Variants in HIRA observed in about 807,000 individuals in gnomAD.
The protein encoded by HIRA is protein HIRA.
In HIRA, 13 loss-of-function variants were observed where a neutral mutation model predicts 126.6. The ratio of observed to expected loss-of-function variants is 0.10; its 90% confidence interval spans 0.07 to 0.16. The LOEUF is 0.16. Among genes scored for constraint, HIRA ranks in the 10% least tolerant of loss-of-function variants. The pLI, the probability that HIRA is intolerant of heterozygous loss-of-function variation, is 1.00. For synonymous variants in HIRA, 511 were observed against 520.0 expected (o/e 0.98, Z 0.24); for missense variants, 834 against 1,314.4 (o/e 0.63, Z 5.65).
chr22:19,369,424 C>T (rs985668799), intron 15 of HIRA, among the ~76,000 whole-genome samples: 3 of 152,126 alleles, frequency 2.0e-5, no homozygotes, highest in African/African-American at 2.4e-5. Context: ...GACCAAGATA[C>T]GGCTTTACAG....
chr22:19,337,923 C>A (rs974052744), intron 24 of HIRA, among the ~76,000 whole-genome samples: 1 of 152,130 alleles, frequency 6.6e-6, no homozygotes, highest in African/African-American at 2.4e-5. Flanking sequence ...TCCCAAGTAG[C>A]TGGGACTACA....
chr22:19,423,475 A>ACATG (rs1284559948), intron 1 of HIRA, among the ~76,000 whole-genome samples: 1 of 131,940 alleles, frequency 7.6e-6, no homozygotes, highest in Admixed American at 8.1e-5. Flanking sequence ...TGACTCACAC[A>ACATG]CATGCATACA....
At chr22:19,355,342 G>C (rs2088800992) in intron 21 of HIRA, among the ~76,000 whole-genome samples, 2 of 152,138 alleles carry the variant, frequency 1.3e-5, no homozygotes, top group African/African-American at 4.8e-5. Flanking sequence ...ATCATGCCTG[G>C]GTAAGTGGAT....
chr22:19,407,915 C>T (rs2089320944), intron 3 of HIRA, among the ~76,000 whole-genome samples: 1 of 152,176 alleles, frequency 6.6e-6, no homozygotes, highest in Non-Finnish European at 1.5e-5. Flanking sequence ...AAGTTGTAGC[C>T]CCCACATGGC....
chr22:19,364,019 T>A (rs940987441), intron 15 of HIRA, among the ~76,000 whole-genome samples: 4 of 152,170 alleles, frequency 2.6e-5, no homozygotes, highest in African/African-American at 9.6e-5. Flanking sequence ...AAACTTTGGG[T>A]GACGGTGTGC....
At chr22:19,375,928 A>T in intron 14 of HIRA, 136 bp from the exon 15 acceptor site, 4 of 906,076 alleles carry the variant, frequency 4.4e-6, no homozygotes, top group Non-Finnish European at 6.6e-6. Context: ...GTCAAGATAC[A>T]ATCTACTACT....
rs772447856 is a variant in HIRA, at chr22:19,375,582, C to T, written c.1775+49G>A. 4 of 1,597,240 alleles carry T rather than the reference C, an allele frequency of 2.5e-6. No homozygotes were observed. In the South Asian group the frequency reaches 4.5e-5, roughly 18 times the overall value. ...GAACACTGCCACTGTGCTGTTGACC[C>T]ATGCCTGCACCCTGCCTGGTCCTTC... On this transcript the variant is annotated intron_variant, in intron 15 of 24. Transcript: ENST00000263208.
intron 1 of HIRA, among the ~76,000 whole-genome samples, chr22:19,412,695 C>G (rs758948467): frequency 6.6e-6 from 1 of 152,140 alleles, no homozygotes; most frequent in Non-Finnish European, 1.5e-5. Context: ...CCCCTGACTA[C>G]CCAAGAGCAC....
At chr22:19,373,651 C>G (rs975197396) in intron 15 of HIRA, among the ~76,000 whole-genome samples, 1 of 152,198 alleles carries the variant, frequency 6.6e-6, no homozygotes, top group African/African-American at 2.4e-5. Context: ...GAGGGCAGAC[C>G]TGTGGTTACA....
intron 15 of HIRA, among the ~76,000 whole-genome samples, chr22:19,368,413 TCA>T (rs1300887567): frequency 6.6e-6 from 1 of 151,756 alleles, no homozygotes; most frequent in Non-Finnish European, 1.5e-5. Flanking sequence ...TCAGTGCTCC[TCA>T]AAATCCTTTA....
Position 19,353,476 on chromosome 22 carries a change from C to T in HIRA, c.2728G>A (p.Val910Met). The T allele has an allele frequency of 6.2e-7, 1 of 1,612,586 alleles. No individual in the cohort carries two copies. The highest frequency in any genetic ancestry group is 8.5e-7 in the Non-Finnish European group (1 of 1,179,770). Residue 910 changes from valine (V) to methionine (M), a missense_variant, in exon 23 of 25, where the codon GTG becomes ATG. Around this residue, in one of 5 missense-constraint regions of HIRA, gnomAD observed 468 missense variants for 574.2 expected, o/e 0.82. Coordinates refer to ENST00000263208, the MANE Select transcript of HIRA (RefSeq NM_003325.4). ...AARLFSVPHV[V>M]QQETTLAYLE... is the part of the protein sequence containing the mutation. Reference sequence around the variant, plus strand: ...TAGGCCAGGGTGGTCTCTTGCTGCACCACATGAGGCACGGAGAAGAGCCGG... The same window carrying T: ...TAGGCCAGGGTGGTCTCTTGCTGCATCACATGAGGCACGGAGAAGAGCCGG...
chr22:19,373,362 G>T (rs2088985714), intron 15 of HIRA, among the ~76,000 whole-genome samples: 1 of 152,106 alleles, frequency 6.6e-6, no homozygotes, highest in Admixed American at 6.5e-5. Context: ...ATGATCACAG[G>T]TTTATAGAAA....
chr22:19,342,396 C>A (rs1556007780), intron 24 of HIRA, among the ~76,000 whole-genome samples: 1 of 152,074 alleles, frequency 6.6e-6, no homozygotes, highest in Non-Finnish European at 1.5e-5. Context: ...AGTATGGGGA[C>A]TCGTTCTGGA....
chr22:19,422,250 CATGTA>C (rs2089454666), intron 1 of HIRA, among the ~76,000 whole-genome samples: 3 of 150,288 alleles, frequency 2.0e-5, no homozygotes, highest in Admixed American at 1.3e-4. Flanking sequence ...CACATATATA[CATGTA>C]ATGTATTACA....
rs900129964 is a variant in HIRA at position 19,398,923 on chromosome 22, T to G, written c.398-836A>C. Among the ~76,000 whole-genome samples the G allele has an allele frequency of 2.0e-5, 3 of 152,178 alleles. No homozygotes were observed. The East Asian group carries it at 5.8e-4, about 29-fold the overall frequency. Reference sequence around the variant, plus strand: ...AGGTTAAGGCTGCAGTGACCATGATTGCACCACTGCACTCCAGGCTGGGCA... The same window carrying G: ...AGGTTAAGGCTGCAGTGACCATGATGGCACCACTGCACTCCAGGCTGGGCA... On this transcript the variant is annotated intron_variant, in intron 5 of 24. Transcript: ENST00000263208.
chr22:19,420,724 A>C (rs966136773), intron 1 of HIRA, among the ~76,000 whole-genome samples: 1 of 151,962 alleles, frequency 6.6e-6, no homozygotes, highest in Non-Finnish European at 1.5e-5. Context: ...TTAAAAAAAA[A>C]AGTTATCTGC....
At chr22:19,360,746 T>C (rs531796033) in intron 17 of HIRA, among the ~76,000 whole-genome samples, 4 of 152,376 alleles carry the variant, frequency 2.6e-5, no homozygotes, top group African/African-American at 4.8e-5. Flanking sequence ...TACTCCAGAA[T>C]TGTGTTTTGG....
chr22:19,407,664 C>T (rs1402946412), intron 3 of HIRA, among the ~76,000 whole-genome samples: 1 of 152,216 alleles, frequency 6.6e-6, no homozygotes, highest in Admixed American at 6.5e-5. Context: ...TAAAAAGGGT[C>T]AGATGCTTTT....
intron 5 of HIRA, among the ~76,000 whole-genome samples, chr22:19,398,925 C>T (rs1233606858): frequency 6.6e-6 from 1 of 152,078 alleles, no homozygotes; most frequent in Non-Finnish European, 1.5e-5. Context: ...ACCATGATTG[C>T]ACCACTGCAC....
Sources: allele counts gnomAD v4.1 joint callset (sites outside exome capture counted in the v4.1 genomes callset), GRCh38; gene constraint gnomAD v4.1.1; regional missense constraint gnomAD v4.1.1; transcripts MANE v1.5; gene names NCBI Gene and HGNC (gene_info 2026-07-23, HGNC 2026-07-21).